Variants in PRKCE observed in about 807,000 individuals in gnomAD.
PRKCE encodes protein kinase C epsilon, also known as protein kinase C epsilon type.
PRKCE carries 16 observed loss-of-function variants against 85.4 expected under a neutral mutation model. The ratio of observed to expected loss-of-function variants is 0.19; its 90% CI spans 0.13 to 0.28. PRKCE has a LOEUF of 0.28. PRKCE is among the 10% of genes least tolerant of loss of function. PRKCE has a pLI of 1.00. For missense variants in PRKCE, 573 were observed against 975.2 expected, an observed-to-expected ratio of 0.59 and a Z score of 5.49; for synonymous variants, 388 against 371.5, an observed-to-expected ratio of 1.04 and a Z score of -0.51.
chr2:46,049,210 C>T (rs1382241699), intron 10 of PRKCE, among the ~76,000 whole-genome samples: 1 of 152,156 alleles, frequency 6.6e-6, no homozygotes, highest in Non-Finnish European at 1.5e-5. Flanking sequence ...CAACCCTCAT[C>T]CTATTTGATG....
chr2:46,048,775 A>C (rs1013656555), intron 10 of PRKCE, among the ~76,000 whole-genome samples: 1 of 152,202 alleles, frequency 6.6e-6, no homozygotes, highest in Admixed American at 6.5e-5. Flanking sequence ...AAAGGACACC[A>C]GGTCATTGAG....
At chr2:45,867,675 T>A (rs1693718523) in intron 2 of PRKCE, among the ~76,000 whole-genome samples, 1 of 152,266 alleles carries the variant, frequency 6.6e-6, no homozygotes, top group African/African-American at 2.4e-5. Context: ...GTTTTCCTGC[T>A]ATAGATTTTG....
At chr2:46,028,205 G>A (rs957047521) in intron 10 of PRKCE, among the ~76,000 whole-genome samples, 1 of 152,162 alleles carries the variant, frequency 6.6e-6, no homozygotes, top group African/African-American at 2.4e-5. Flanking sequence ...GCCTCCCAAA[G>A]TGCTGGAATT....
At chr2:45,822,512 T>C (rs1573495478) in intron 1 of PRKCE, among the ~76,000 whole-genome samples, 1 of 152,192 alleles carries the variant, frequency 6.6e-6, no homozygotes, top group Admixed American at 6.5e-5. Context: ...GACACAAGGG[T>C]AACTGCCAGC....
chr2:45,936,901 C>T (rs960794520), intron 2 of PRKCE, among the ~76,000 whole-genome samples: 1 of 152,194 alleles, frequency 6.6e-6, no homozygotes, highest in Admixed American at 6.5e-5. Context: ...GCCTGTCCCT[C>T]TTGTACTTTC....
intron 13 of PRKCE, among the ~76,000 whole-genome samples, chr2:46,157,891 C>G (rs1490310358): frequency 1.3e-5 from 2 of 152,222 alleles, no homozygotes; most frequent in Non-Finnish European, 2.9e-5. Context: ...AGCTGTGTCT[C>G]CGAGGGCTAC....
intron 2 of PRKCE, among the ~76,000 whole-genome samples, chr2:45,917,818 C>T (rs758910458): frequency 2.0e-5 from 3 of 152,218 alleles, no homozygotes; most frequent in Non-Finnish European, 4.4e-5. Context: ...CCCTGCCCCG[C>T]GGGAAGGCAG....
chr2:46,184,720 C>G lies in PRKCE; in HGVS notation c.2068-15C>G, dbSNP rs746486471. 57 of 1,599,028 alleles carry G rather than the reference C, an allele frequency of 3.6e-5. No homozygotes were observed. In the Admixed American group the frequency reaches 9.3e-4, roughly 26 times the overall value. ...GAGCAGCCTCAACTCACCACTTTCT[C>G]TTTTCTTCCCACAGAAAACCAAAAG... On this transcript the variant is annotated splice_polypyrimidine_tract_variant and intron_variant, in intron 14 of 14. Transcript: ENST00000306156. The surrounding 1 kb of genome is among the most constrained non-coding windows in gnomAD (Gnocchi z 5.0).
At chr2:46,088,495 T>C (rs1669863286) in intron 11 of PRKCE, among the ~76,000 whole-genome samples, 1 of 152,226 alleles carries the variant, frequency 6.6e-6, no homozygotes, top group Non-Finnish European at 1.5e-5. Context: ...TAGACATCTA[T>C]ATGGATCCTT....
chr2:46,068,558 T>G lies in PRKCE; in HGVS notation c.1438-17650T>G, dbSNP rs1036727546. ...ATAATACCAACTTTAAAAAACTCTC[T>G]CTGATGTAACAATATAAGGCAATGG... On this transcript the variant is annotated intron_variant, in intron 10 of 14. Coordinates refer to ENST00000306156, the MANE Select transcript of PRKCE (RefSeq NM_005400.3). The surrounding 1 kb of genome is among the most constrained non-coding windows in gnomAD (Gnocchi z 4.3). Among the ~76,000 whole-genome samples the G allele has an allele frequency of 6.6e-6, 1 of 152,234 alleles. No individual in the cohort carries two copies. Among genetic ancestry groups the G allele is most frequent in the African/African-American group, 2.4e-5 (1 of 41,468 alleles).
chr2:45,766,205 T>G (rs1315983766), intron 1 of PRKCE, among the ~76,000 whole-genome samples: 1 of 152,200 alleles, frequency 6.6e-6, no homozygotes, highest in Non-Finnish European at 1.5e-5. Context: ...TCAATTACGT[T>G]TCCTGCTCAT....
chr2:46,106,296 T>G (rs1047946719), intron 11 of PRKCE, among the ~76,000 whole-genome samples: 1 of 152,200 alleles, frequency 6.6e-6, no homozygotes, highest in Admixed American at 6.5e-5. Context: ...CCTCTTCTCA[T>G]TGCTTATCTG....
At chr2:45,987,447 C>T (rs546895803) in intron 6 of PRKCE, among the ~76,000 whole-genome samples, 1 of 152,156 alleles carries the variant, frequency 6.6e-6, no homozygotes, top group East Asian at 1.9e-4. Context: ...GTTCTGTGAC[C>T]CTCTCCTTCT....
intron 6 of PRKCE, among the ~76,000 whole-genome samples, chr2:46,000,143 T>G (rs1051748362): frequency 4.2e-4 from 64 of 151,292 alleles, no homozygotes; most frequent in African/African-American, 1.6e-3. Context: ...TTTTTTGGGG[T>G]TTTTTTGTTT....
chr2:46,024,884 A>G (rs1280185951), intron 10 of PRKCE, among the ~76,000 whole-genome samples: 1 of 152,222 alleles, frequency 6.6e-6, no homozygotes, highest in African/African-American at 2.4e-5. Flanking sequence ...AAACATACCA[A>G]CACAACCAAA....
chr2:46,144,988 C>CT (rs796680683), intron 11 of PRKCE, 105 bp from the exon 12 acceptor site: 3 of 1,520,064 alleles, frequency 2.0e-6, no homozygotes, highest in African/African-American at 2.7e-5. Flanking sequence ...TCTTTCAGGA[C>CT]TTTTTTGCTG....
chr2:45,746,673 C>T (rs567071661), intron 1 of PRKCE, among the ~76,000 whole-genome samples: 6 of 152,240 alleles, frequency 3.9e-5, no homozygotes, highest in African/African-American at 9.6e-5. Context: ...TTCAGTGTCC[C>T]GCCTTTCCCA....
At chr2:45,703,026 C>CCA (rs919440239) in intron 1 of PRKCE, among the ~76,000 whole-genome samples, 2 of 151,524 alleles carry the variant, frequency 1.3e-5, no homozygotes, top group Non-Finnish European at 2.9e-5. Flanking sequence ...TTTTTTCCCC[C>CCA]CCCGTCAGGA....
At chr2:45,952,337 C>T (rs991793996) in intron 2 of PRKCE, among the ~76,000 whole-genome samples, 2 of 152,224 alleles carry the variant, frequency 1.3e-5, no homozygotes, top group Non-Finnish European at 2.9e-5. Context: ...GCCTCGCAAG[C>T]GTACATAAGT....
Sources: gnomAD v4.1 joint callset for allele counts (sites outside exome capture counted in the v4.1 genomes callset) on GRCh38, gnomAD v4.1.1 for gene constraint, Gnocchi (gnomAD v3.1) non-coding constraint, MANE v1.5 for transcripts, NCBI Gene and HGNC (gene_info 2026-07-23, HGNC 2026-07-21) for gene names.